The following PRKN variants were observed in gnomAD, a reference collection of about 807,000 sequenced individuals.
PRKN encodes parkin RBR E3 ubiquitin protein ligase.
In PRKN, 56 loss-of-function variants were observed where a neutral mutation model predicts 59.5. The ratio of observed to expected loss-of-function variants is 0.94; its 90% CI spans 0.76 to 1.18. The LOEUF (loss-of-function observed/expected upper bound fraction) is 1.18, where lower values mean the gene tolerates loss of function less well. Among genes scored for constraint, PRKN ranks in the 50% most tolerant of loss-of-function variants. The pLI is 0.00. For missense variants in PRKN, 657 were observed against 596.4 expected, an observed-to-expected ratio of 1.10 and a Z score of -1.06; for synonymous variants, 250 against 222.1, an observed-to-expected ratio of 1.13 and a Z score of -1.12.
chr6:161,688,830 C>CT (rs2128174849), intron 7 of PRKN, among the ~76,000 whole-genome samples: 1 of 152,258 alleles, frequency 6.6e-6, no homozygotes, highest in South Asian at 2.1e-4. Context: ...TCCCAACAGA[C>CT]AACAGCTGCC....
intron 7 of PRKN, among the ~76,000 whole-genome samples, chr6:161,629,803 C>T (rs1296316479): frequency 6.6e-6 from 1 of 152,262 alleles, no homozygotes; most frequent in East Asian, 1.9e-4. Flanking sequence ...GTGGAGCAGA[C>T]CTAAAATCTT....
intron 9 of PRKN, among the ~76,000 whole-genome samples, chr6:161,411,017 T>C (rs1009601906): frequency 1.3e-5 from 2 of 152,178 alleles, no homozygotes; most frequent in African/African-American, 4.8e-5. Flanking sequence ...TAGTAGATTT[T>C]ATTTTTCAGA....
intron 2 of PRKN, among the ~76,000 whole-genome samples, chr6:162,338,759 A>G (rs1261461035): frequency 7.0e-6 from 1 of 143,804 alleles, no homozygotes; most frequent in Non-Finnish European, 1.5e-5. Context: ...CCCAGTCTGG[A>G]AAGTGAGGAG....
chr6:162,697,208 C>T (rs1584068774), intron 1 of PRKN, among the ~76,000 whole-genome samples: 1 of 152,060 alleles, frequency 6.6e-6, no homozygotes, highest in South Asian at 2.1e-4. Flanking sequence ...AAGTTATTCT[C>T]CCTGCTTCTG....
intron 7 of PRKN, among the ~76,000 whole-genome samples, chr6:161,740,828 T>C (rs2128191064): frequency 6.6e-6 from 1 of 152,228 alleles, no homozygotes; most frequent in Middle Eastern, 3.4e-3. Flanking sequence ...AGAAAGTCTA[T>C]CAAAAAACAA....
intron 2 of PRKN, among the ~76,000 whole-genome samples, chr6:162,332,131 G>A (rs936276479): frequency 5.9e-5 from 9 of 151,988 alleles, no homozygotes; most frequent in Non-Finnish European, 1.0e-4. Flanking sequence ...TGGTTTCTTT[G>A]GCTAACATGT....
chr6:161,716,458 T>C (rs896610771), intron 7 of PRKN, among the ~76,000 whole-genome samples: 3 of 152,058 alleles, frequency 2.0e-5, no homozygotes, highest in East Asian at 1.9e-4. Context: ...GGCTGCACTA[T>C]GAACAAAAAA....
chr6:162,269,893 A>T (rs1452220256), intron 2 of PRKN: 1 of 152,144 alleles, frequency 6.6e-6, no homozygotes, highest in Non-Finnish European at 1.5e-5. Context: ...GGATGCGGTG[A>T]TCAGGGAACA....
chr6:161,632,814 T>C (rs1166134385), intron 7 of PRKN, among the ~76,000 whole-genome samples: 1 of 152,130 alleles, frequency 6.6e-6, no homozygotes, highest in African/African-American at 2.4e-5. Context: ...GGGATACCCC[T>C]TATAAAACCA....
chr6:162,284,762 T>G (rs1332305297), intron 2 of PRKN, among the ~76,000 whole-genome samples: 1 of 152,170 alleles, frequency 6.6e-6, no homozygotes, highest in East Asian at 1.9e-4. Flanking sequence ...GCAGTTCATC[T>G]AGTTAATCAG....
intron 1 of PRKN, among the ~76,000 whole-genome samples, chr6:162,582,993 G>A (rs1780848011): frequency 6.6e-6 from 1 of 152,196 alleles, no homozygotes; most frequent in Non-Finnish European, 1.5e-5. Flanking sequence ...TTTAGGAGGA[G>A]ATAGGGCGAT....
chr6:161,565,995 C>G (rs1392660429), intron 8 of PRKN, among the ~76,000 whole-genome samples: 1 of 152,172 alleles, frequency 6.6e-6, no homozygotes, highest in East Asian at 1.9e-4. Flanking sequence ...TCCCTTCCCC[C>G]TTCTGCATCA....
intron 1 of PRKN, among the ~76,000 whole-genome samples, chr6:162,702,423 C>T (rs910257779): frequency 6.6e-6 from 1 of 152,092 alleles, no homozygotes; most frequent in Admixed American, 6.6e-5. Context: ...ATAGCAGATA[C>T]ACACAAAAGC....
chr6:162,487,440 G>A (rs543855919), intron 1 of PRKN, among the ~76,000 whole-genome samples: 9 of 152,308 alleles, frequency 5.9e-5, no homozygotes, highest in Admixed American at 1.3e-4. Context: ...GAGCCTGCAC[G>A]CGTGGCAGGA....
At chr6:162,113,445 ATCT>A (rs1780528187) in intron 4 of PRKN, among the ~76,000 whole-genome samples, 1 of 152,196 alleles carries the variant, frequency 6.6e-6, no homozygotes, top group African/African-American at 2.4e-5. Flanking sequence ...TGAAAAGAGA[ATCT>A]TCTTAAGTGT....
rs942455296 is a variant in PRKN at position 161,480,631 on chromosome 6, G to A, written c.1083+68223C>T. Reference sequence around the variant, plus strand: ...ATTACAGGAAGCAGACAAGACTCAGGAAATATCGTCTCCTTTGTAGGAAAT... The same window carrying A: ...ATTACAGGAAGCAGACAAGACTCAGAAAATATCGTCTCCTTTGTAGGAAAT... On this transcript the variant is annotated intron_variant, in intron 9 of 11. Transcript: ENST00000366898. The surrounding 1 kb of genome is among the most constrained non-coding windows in gnomAD (Gnocchi z 4.1). Among the ~76,000 whole-genome samples, 1 of 152,180 alleles carries A rather than the reference G, an allele frequency of 6.6e-6. No homozygotes were observed. Among genetic ancestry groups the A allele is most frequent in the Non-Finnish European group, 1.5e-5 (1 of 68,040 alleles).
chr6:161,901,082 AT>A, intron 6 of PRKN, among the ~76,000 whole-genome samples: 1 of 151,232 alleles, frequency 6.6e-6, no homozygotes, highest in African/African-American at 2.4e-5. Context: ...CGCCCGGCTA[AT>A]TTTTTTGTAT....
chr6:161,400,750 G>T lies in PRKN; in HGVS notation c.1084-13873C>A, dbSNP rs1227123719. Among the ~76,000 whole-genome samples the T allele has an allele frequency of 6.6e-6, 1 of 152,076 alleles. No homozygotes were observed. Among genetic ancestry groups the T allele is most frequent in the Admixed American group, 6.5e-5 (1 of 15,278 alleles). Reference sequence around the variant, plus strand: ...TGTGTTGAAGAAAAGAGCTGCAGGGGACAGAAAATCAGTCAAATTAAAGAA... The same window carrying T: ...TGTGTTGAAGAAAAGAGCTGCAGGGTACAGAAAATCAGTCAAATTAAAGAA... On this transcript the variant is annotated intron_variant, in intron 9 of 11. Coordinates refer to ENST00000366898, the MANE Select transcript of PRKN (RefSeq NM_004562.3). This position sits in a 1 kb window ranked among gnomAD's most constrained non-coding sequence, Gnocchi z 4.2.
chr6:162,499,989 T>C (rs990550396), intron 1 of PRKN, among the ~76,000 whole-genome samples: 1 of 152,088 alleles, frequency 6.6e-6, no homozygotes, highest in South Asian at 2.1e-4. Flanking sequence ...CTTTTCTAGT[T>C]AAGGATGCCA....
Sources: gnomAD v4.1 joint callset for allele counts (sites outside exome capture counted in the v4.1 genomes callset) on GRCh38, gnomAD v4.1.1 for gene constraint, Gnocchi (gnomAD v3.1) non-coding constraint, MANE v1.5 for transcripts, NCBI Gene and HGNC (gene_info 2026-07-23, HGNC 2026-07-21) for gene names.